The following NIBAN2 variants were observed in gnomAD, a reference collection of about 807,000 sequenced individuals.
NIBAN2 encodes protein Niban 2.
NIBAN2 carries 36 observed loss-of-function variants against 81.8 expected under a neutral mutation model. The observed-to-expected ratio is 0.44, with a 90% CI of 0.34 to 0.58. The LOEUF is 0.58. Among genes scored for constraint, NIBAN2 ranks in the 20% least tolerant of loss-of-function variants. The pLI is 0.02. For missense variants in NIBAN2, 897 were observed against 1,014.1 expected (o/e 0.88, Z 1.57); for synonymous variants, 445 against 441.6 (o/e 1.01, Z -0.10).
chr9:127,534,948 C>A (rs1449638530), intron 1 of NIBAN2, among the ~76,000 whole-genome samples: 9 of 152,160 alleles, frequency 5.9e-5, no homozygotes, highest in Non-Finnish European at 1.3e-4. Context: ...GCATTAAACC[C>A]GTGCTACGGC....
intron 5 of NIBAN2, 89 bp from the exon 6 acceptor site, chr9:127,518,030 C>CA (rs1564298768): frequency 5.3e-6 from 4 of 749,502 alleles, no homozygotes; most frequent in African/African-American, 1.8e-5. Flanking sequence ...AAACCCCCCC[C>CA]ACACACATGG....
intron 5 of NIBAN2, among the ~76,000 whole-genome samples, chr9:127,519,102 G>C (rs1003436092): frequency 2.7e-5 from 4 of 148,742 alleles, no homozygotes; most frequent in Admixed American, 6.8e-5. Context: ...TTGAACCCAG[G>C]AGGCAGAGGT....
At chr9:127,549,385 A>G (rs575934881) in intron 1 of NIBAN2, among the ~76,000 whole-genome samples, 18 of 150,776 alleles carry the variant, frequency 1.2e-4, no homozygotes, top group African/African-American at 3.7e-4. Flanking sequence ...GTGCATGCAC[A>G]TGCACGCACA....
At chr9:127,547,540 C>A (rs568429866) in intron 1 of NIBAN2, among the ~76,000 whole-genome samples, 134 of 137,224 alleles carry the variant, frequency 9.8e-4, no homozygotes, top group African/African-American at 3.5e-3. Context: ...ACAACAACAA[C>A]AACAAAAAAC....
chr9:127,511,507 T>A (rs115389419), intron 8 of NIBAN2, among the ~76,000 whole-genome samples: 3,466 of 145,986 alleles, frequency 0.024, 142 homozygotes, highest in African/African-American at 0.081. Context: ...CAATATTATT[T>A]AAAAAAAAAA....
intron 1 of NIBAN2, among the ~76,000 whole-genome samples, chr9:127,549,257 A>G (rs769985205): frequency 1.3e-5 from 2 of 152,208 alleles, no homozygotes; most frequent in Non-Finnish European, 2.9e-5. Context: ...CCTAAGCCCA[A>G]GTCAGGTTCT....
chr9:127,543,485 T>C (rs1837418678), intron 1 of NIBAN2, among the ~76,000 whole-genome samples: 1 of 152,176 alleles, frequency 6.6e-6, no homozygotes, highest in Non-Finnish European at 1.5e-5. Context: ...TGGAAGATGG[T>C]TGCATGAAGC....
chr9:127,574,297 C>T (rs1837983127), intron 1 of NIBAN2, among the ~76,000 whole-genome samples: 1 of 152,164 alleles, frequency 6.6e-6, no homozygotes, highest in South Asian at 2.1e-4. Flanking sequence ...CCTACAGGTC[C>T]TGACTCATCA....
Position 127,538,645 on chromosome 9 carries a change from A to G in NIBAN2, c.56-6867T>C, listed in dbSNP as rs1441234904. On this transcript the variant is annotated intron_variant, in intron 1 of 13. Transcript: ENST00000373312. ...CCATCTCAAAGAAAAAAAAAAAAAA[A>G]AAGAAATGCAGTTGTGCGGCCGGGC... Among the ~76,000 whole-genome samples, 7 of 151,526 alleles carry G rather than the reference A, an allele frequency of 4.6e-5. No individual in the cohort carries two copies. The East Asian group carries it at 1.2e-3, about 25-fold the overall frequency.
At chr9:127,575,137 C>A (rs535420742) in intron 1 of NIBAN2, among the ~76,000 whole-genome samples, 18 of 152,336 alleles carry the variant, frequency 1.2e-4, no homozygotes, top group African/African-American at 2.9e-4. Context: ...TCCCTCCCCC[C>A]ACTTCCCCTC....
rs559378606 is a variant in NIBAN2, at chr9:127,517,667, C to T, written c.705+159G>A. Reference sequence around the variant, plus strand: ...GTGATGAATAAGACAGCGAGTATCTCCACGTGCACTGGCCCTGCACTTGTC... The same window carrying T: ...GTGATGAATAAGACAGCGAGTATCTTCACGTGCACTGGCCCTGCACTTGTC... On this transcript the variant is annotated intron_variant, in intron 6 of 13. Transcript: ENST00000373312. The surrounding 1 kb of genome is among the most constrained non-coding windows in gnomAD (Gnocchi z 4.0). 1.6e-3 allele frequency among the ~76,000 whole-genome samples: 239 copies of T among 152,254 alleles called. No individual in the cohort carries two copies. The highest frequency in any genetic ancestry group is 5.4e-3 in the African/African-American group (226 of 41,538).
At chr9:127,531,177 G>GA (rs10654600) in intron 2 of NIBAN2, among the ~76,000 whole-genome samples, 103,915 of 143,418 alleles carry the variant, frequency 0.72, 38,375 homozygotes, top group Middle Eastern at 0.85. Context: ...GACCCAGTCT[G>GA]AAAAAAAAAA....
intron 1 of NIBAN2, among the ~76,000 whole-genome samples, chr9:127,537,659 C>T (rs1837303994): frequency 6.6e-6 from 1 of 152,204 alleles, no homozygotes; most frequent in Non-Finnish European, 1.5e-5. Context: ...TCGCTTTCTG[C>T]CAGCAGGAGG....
upstream of NIBAN2, chr9:127,569,107 C>T: frequency 7.0e-6 from 7 of 1,006,950 alleles, no homozygotes; most frequent in Non-Finnish European, 8.3e-6. Context: ...TGCACCCCGG[C>T]GCCCCGCTCC....
rs773237268 is a variant in NIBAN2, at chr9:127,507,009, G to A, written c.2077C>T (p.Pro693Ser). The change falls in exon 14 of 14, where the codon CCG becomes TCG. Residue 693 changes from proline (P) to serine (S), a missense_variant. Physicochemically the swap from Pro to Ser is moderately conservative, Grantham distance 74. Around this residue, in one of 3 missense-constraint regions of NIBAN2, gnomAD observed 619 missense variants for 691.0 expected, o/e 0.90. Transcript: ENST00000373312. This position sits in a 1 kb window ranked among gnomAD's most constrained non-coding sequence, Gnocchi z 6.8. ...QPKAAPEASS[P>S]PASPLQHLLP... ...AGATGCTGGAGGGGTGAGGCAGGCGGCGAGGAGGCCTCGGGGGCGGCCTTA... is the reference window on the plus strand; with the variant it reads ...AGATGCTGGAGGGGTGAGGCAGGCGACGAGGAGGCCTCGGGGGCGGCCTTA... 108 of 1,594,554 alleles carry A rather than the reference G, an allele frequency of 6.8e-5. No individual in the cohort carries two copies. The highest frequency in any genetic ancestry group is 9.0e-5 in the Non-Finnish European group (105 of 1,169,340).
In NIBAN2 at chr9:127,507,581, C is replaced by G. The variant is rs2132148314; in HGVS notation, c.1655-150G>C. 1.3e-6 allele frequency: 1 copy of G among 752,528 alleles called. No homozygotes were observed. The highest frequency in any genetic ancestry group is 2.7e-5 in the East Asian group (1 of 36,636). The allele number at this position is 752,528 out of a possible 1,614,324, so 46.6% of individuals were successfully genotyped here. A position where few individuals can be genotyped will look rare whatever the true frequency, so the allele number is the denominator to read the frequency against. On this transcript the variant is annotated intron_variant, in intron 13 of 13. Coordinates refer to ENST00000373312, the MANE Select transcript of NIBAN2 (RefSeq NM_022833.4). This position sits in a 1 kb window ranked among gnomAD's most constrained non-coding sequence, Gnocchi z 6.8. ...TTCCAGGCCTCGTTGCTGAAAGCAG[C>G]AAGGCCGTGATGCTATCTCCAGGCC... is the stretch of plus-strand genomic sequence containing the variant.
rs955357290 is a variant in NIBAN2 at position 127,545,036 on chromosome 9, G to A, written c.56-13258C>T. On this transcript the variant is annotated intron_variant, in intron 1 of 13. Transcript: ENST00000373312. The surrounding 1 kb of genome is among the most constrained non-coding windows in gnomAD (Gnocchi z 4.7). The stretch of plus-strand genomic sequence containing the variant: ...CCCAGCTCCTCTGAGACCATCTTGG[G>A]GAGAAACAGGTGAATGGGGCTTTCA... Among the ~76,000 whole-genome samples the A allele has an allele frequency of 2.6e-5, 4 of 152,190 alleles. No individual in the cohort carries two copies. Among genetic ancestry groups the A allele is most frequent in the African/African-American group, 9.7e-5 (4 of 41,438 alleles).
upstream of NIBAN2, among the ~76,000 whole-genome samples, chr9:127,573,981 T>G (rs568717768): frequency 2.6e-5 from 4 of 152,306 alleles, no homozygotes; most frequent in South Asian, 8.3e-4. Context: ...TTTTTAAAAT[T>G]TATATCCTCT....
chr9:127,568,844 C>G lies in NIBAN2; in HGVS notation c.31G>C (p.Asp11His). 7.3e-7 allele frequency: 1 copy of G among 1,367,840 alleles called. No individual in the cohort carries two copies. The highest frequency in any genetic ancestry group is 9.5e-7 in the Non-Finnish European group (1 of 1,055,636). The allele number at this position is 1,367,840 out of a possible 1,614,324, so 84.7% of individuals were successfully genotyped here. The change falls in exon 1 of 14, where the codon GAC becomes CAC. Residue 11 changes from aspartate (D) to histidine (H), a missense_variant. Physicochemically the swap from Asp to His is moderately conservative, Grantham distance 81. This residue lies in a region of NIBAN2 where 209 missense variants were observed against 208.4 expected (regional missense o/e 1.00). Coordinates refer to ENST00000373312, the MANE Select transcript of NIBAN2 (RefSeq NM_022833.4). MGDVLSTHLD[D>H]ARRQHIAEKT... ...CCTGCGATGTGCTGGCGCCGGGCGTCGTCCAGGTGCGTGGACAGCACGTCC... is the reference window on the plus strand; with the variant it reads ...CCTGCGATGTGCTGGCGCCGGGCGTGGTCCAGGTGCGTGGACAGCACGTCC...
Sources: allele counts gnomAD v4.1 joint callset (sites outside exome capture counted in the v4.1 genomes callset), GRCh38; gene constraint gnomAD v4.1.1; regional missense constraint gnomAD v4.1.1; non-coding constraint Gnocchi (gnomAD v3.1); transcripts MANE v1.5; gene names NCBI Gene and HGNC (gene_info 2026-07-23, HGNC 2026-07-21).